The following TFCP2L1 variants were observed in gnomAD, a reference collection of about 807,000 sequenced individuals.
TFCP2L1 encodes the protein transcription factor CP2-like protein 1.
A neutral mutation model predicts 72.2 loss-of-function variants in TFCP2L1; 12 were observed. The ratio of observed to expected loss-of-function variants is 0.17; its 90% confidence interval spans 0.11 to 0.27. TFCP2L1 has a LOEUF of 0.27. TFCP2L1 is among the 10% of genes least tolerant of loss of function. TFCP2L1 has a pLI of 1.00. For synonymous variants in TFCP2L1, 260 were observed against 251.0 expected, an observed-to-expected ratio of 1.04 and a Z score of -0.34; for missense variants, 488 against 624.6, an observed-to-expected ratio of 0.78 and a Z score of 2.33.
At chr2:121,242,224 G>A in intron 7 of TFCP2L1, 135 bp downstream of exon 7, 1 of 727,884 alleles carries the variant, frequency 1.4e-6, no homozygotes, top group Non-Finnish European at 2.4e-6. Flanking sequence ...TCCAGACACT[G>A]GAACCCACCA....
intron 2 of TFCP2L1, among the ~76,000 whole-genome samples, chr2:121,273,915 A>T (rs922311968): frequency 1.3e-5 from 2 of 152,088 alleles, no homozygotes; most frequent in African/African-American, 4.8e-5. Context: ...CAACATGGCT[A>T]AACCCGGTCT....
At chr2:121,237,940 C>T (rs1294490620) in intron 8 of TFCP2L1, 90 bp from the exon 9 acceptor site, 1 of 1,347,632 alleles carries the variant, frequency 7.4e-7, no homozygotes, top group Non-Finnish European at 1.0e-6. Flanking sequence ...CTTTTACTTC[C>T]TATCAGATGC....
At chr2:121,232,990 G>A (rs1686176036) in intron 12 of TFCP2L1, among the ~76,000 whole-genome samples, 1 of 152,166 alleles carries the variant, frequency 6.6e-6, no homozygotes, top group Non-Finnish European at 1.5e-5. Context: ...AGAAACCCTT[G>A]GTTCAACAAA....
intron 2 of TFCP2L1, among the ~76,000 whole-genome samples, chr2:121,280,687 T>G (rs1687237554): frequency 6.7e-6 from 1 of 148,878 alleles, no homozygotes; most frequent in Non-Finnish European, 1.5e-5. Context: ...CTTCTTGGGT[T>G]GAGGAGGTCA....
At chr2:121,234,265 T>C in intron 11 of TFCP2L1, 71 bp from the exon 12 acceptor site, 2 of 1,406,058 alleles carry the variant, frequency 1.4e-6, no homozygotes. Context: ...TATTCCAGGA[T>C]GGAAACAATA....
At chr2:121,281,306 G>C (rs1255511841) in intron 1 of TFCP2L1, 35 bp from the exon 2 acceptor site, 4 of 1,555,812 alleles carry the variant, frequency 2.6e-6, no homozygotes, top group Non-Finnish European at 3.5e-6. Context: ...CAGGAGCAGA[G>C]CCCCAGGGGG....
Position 121,248,237 on chromosome 2 carries a change from C to T in TFCP2L1, c.431G>A (p.Arg144Lys). ...TGCATTCAGCTGGGTCGGGCTGGCC[C>T]TGGGGTCCAAGATACCAACAGACAG... ...IPLSVGILDP[R>K]ASPTQLNAVE... The change falls in exon 5 of 15, where the codon AGG (arginine) becomes AAG (lysine). Residue 144 changes from arginine (R) to lysine (K), a missense_variant. This residue lies in a region of TFCP2L1 where 129 missense variants were observed against 236.0 expected (regional missense o/e 0.55). Transcript: ENST00000263707. 2 of 1,614,058 alleles carry T rather than the reference C, an allele frequency of 1.2e-6. No individual in the cohort carries two copies. Among genetic ancestry groups the T allele is most frequent in the Non-Finnish European group, 1.7e-6 (2 of 1,180,006 alleles).
intron 13 of TFCP2L1, among the ~76,000 whole-genome samples, chr2:121,226,975 A>G (rs79239703): frequency 0.019 from 2,884 of 152,296 alleles, 110 homozygotes; most frequent in African/African-American, 0.065. Context: ...CCAAACTCCT[A>G]CCAGCCCCGT....
intron 2 of TFCP2L1, among the ~76,000 whole-genome samples, chr2:121,249,904 T>C (rs1686570863): frequency 6.6e-6 from 1 of 152,206 alleles, no homozygotes; most frequent in African/African-American, 2.4e-5. Context: ...CTCTACAATG[T>C]TCAAATAAAC....
At chr2:121,258,094 C>T (rs547764125) in intron 2 of TFCP2L1, among the ~76,000 whole-genome samples, 4 of 152,284 alleles carry the variant, frequency 2.6e-5, no homozygotes, top group Non-Finnish European at 5.9e-5. Context: ...CTGAAGAACA[C>T]GAAAAGATGC....
At chr2:121,282,604 C>T (rs1687287239) in intron 1 of TFCP2L1, among the ~76,000 whole-genome samples, 1 of 151,828 alleles carries the variant, frequency 6.6e-6, no homozygotes, top group African/African-American at 2.4e-5. Context: ...TCCTTGAGAA[C>T]ATGAATGACC....
chr2:121,245,183 C>A (rs185351647), intron 6 of TFCP2L1, among the ~76,000 whole-genome samples: 6 of 152,256 alleles, frequency 3.9e-5, no homozygotes, highest in Non-Finnish European at 8.8e-5. Flanking sequence ...GAGGTTGGGG[C>A]CGCCATGTGA....
chr2:121,261,807 G>A (rs1686833799), intron 2 of TFCP2L1, among the ~76,000 whole-genome samples: 1 of 152,128 alleles, frequency 6.6e-6, no homozygotes, highest in Non-Finnish European at 1.5e-5. Context: ...TACAAAGGAG[G>A]AGAGGTAATT....
chr2:121,225,190 C>T lies in TFCP2L1; in HGVS notation c.1393+372G>A, dbSNP rs1686002794. Among the ~76,000 whole-genome samples the T allele has an allele frequency of 3.9e-5, 6 of 152,132 alleles. No homozygotes were observed. The South Asian group carries it at 6.2e-4, about 16-fold the overall frequency. ...TGTTCTTGGCCCACAGGCTCTTCCT[C>T]GGCAGAGCACAGGCACACTGTCAGG... On this transcript the variant is annotated intron_variant, in intron 14 of 14. Transcript: ENST00000263707.
chr2:121,276,070 T>C (rs1029362727), intron 2 of TFCP2L1, among the ~76,000 whole-genome samples: 1 of 152,174 alleles, frequency 6.6e-6, no homozygotes, highest in Non-Finnish European at 1.5e-5. Flanking sequence ...TAGGATATGG[T>C]TTGTTTTTAA....
intron 11 of TFCP2L1, among the ~76,000 whole-genome samples, 188 bp downstream of exon 11, chr2:121,235,033 G>C (rs1460491642): frequency 6.6e-6 from 1 of 152,234 alleles, no homozygotes; most frequent in Non-Finnish European, 1.5e-5. Context: ...TCCCACTGCA[G>C]TGTCTCACTC....
In TFCP2L1 at chr2:121,234,077, T is replaced by A; in HGVS notation, c.1198+14A>T. ...CCCAATGTGTGGGTCCCAGCTCTGC[T>A]CCCCACAACTCACCAGACAGGTTGC... On this transcript the variant is annotated intron_variant, in intron 12 of 14. Transcript: ENST00000263707. 1 of 1,610,916 alleles carries A rather than the reference T, an allele frequency of 6.2e-7. No homozygotes were observed. The highest frequency in any genetic ancestry group is 1.7e-5 in the Admixed American group (1 of 60,010).
intron 2 of TFCP2L1, among the ~76,000 whole-genome samples, chr2:121,251,974 A>T (rs2104711010): frequency 6.6e-6 from 1 of 152,366 alleles, no homozygotes; most frequent in Middle Eastern, 3.4e-3. Flanking sequence ...TACAAACTGC[A>T]GACTAGGAAG....
chr2:121,242,485 A>G lies in TFCP2L1; in HGVS notation c.658-16T>C. The G allele has an allele frequency of 1.2e-6, 2 of 1,613,198 alleles. No homozygotes were observed. The highest frequency in any genetic ancestry group is 1.7e-6 in the Non-Finnish European group (2 of 1,179,500). On this transcript the variant is annotated splice_polypyrimidine_tract_variant and intron_variant, in intron 6 of 14. Transcript: ENST00000263707. ...CTCCCTTCGGCTGCGAGCAGAGTAC[A>G]GAGTCCAATCAGCCCAAAACCAACA... is the stretch of plus-strand genomic sequence containing the variant.
Sources: allele counts gnomAD v4.1 joint callset (sites outside exome capture counted in the v4.1 genomes callset), GRCh38; gene constraint gnomAD v4.1.1; regional missense constraint gnomAD v4.1.1; transcripts MANE v1.5; gene names NCBI Gene and HGNC (gene_info 2026-07-23, HGNC 2026-07-21).